The following WDPCP variants were observed in gnomAD, a reference collection of about 807,000 sequenced individuals.
WDPCP encodes WD repeat containing planar cell polarity effector.
Under a neutral mutation model 93.1 loss-of-function variants are expected in WDPCP, and 71 were observed. That is an observed-to-expected ratio of 0.76 (90% CI 0.63 to 0.93). The LOEUF (loss-of-function observed/expected upper bound fraction) is 0.93, where lower values mean the gene tolerates loss of function less well. WDPCP is among the 40% of genes least tolerant of loss of function. The pLI, the probability that WDPCP is intolerant of heterozygous loss-of-function variation, is 0.00. For synonymous variants in WDPCP, 315 were observed against 315.0 expected (o/e 1.00, Z 0.00); for missense variants, 844 against 887.4 (o/e 0.95, Z 0.62).
chr2:63,277,188 G>A (rs866530572), intron 13 of WDPCP, among the ~76,000 whole-genome samples: 1 of 150,742 alleles, frequency 6.6e-6, no homozygotes, highest in Non-Finnish European at 1.5e-5. Context: ...GAGAGAATTC[G>A]CCACTACCAT....
chr2:63,335,552 T>A (rs1232415973), intron 12 of WDPCP, among the ~76,000 whole-genome samples: 1 of 151,938 alleles, frequency 6.6e-6, no homozygotes, highest in Non-Finnish European at 1.5e-5. Flanking sequence ...GCCTCCCAAG[T>A]AGCTGTGATT....
intron 14 of WDPCP, among the ~76,000 whole-genome samples, chr2:63,256,693 C>T (rs771259311): frequency 1.3e-5 from 2 of 152,136 alleles, no homozygotes; most frequent in Non-Finnish European, 2.9e-5. Context: ...CCCAAATATC[C>T]ATCTAAAGTA....
intron 12 of WDPCP, among the ~76,000 whole-genome samples, chr2:63,323,653 A>G (rs1321150725): frequency 1.3e-5 from 2 of 152,162 alleles, no homozygotes; most frequent in Non-Finnish European, 2.9e-5. Flanking sequence ...CCCAATACTA[A>G]CAGGTGAATG....
chr2:63,614,137 CTCAT>C (rs762720937), intron 3 of WDPCP, among the ~76,000 whole-genome samples: 3 of 152,268 alleles, frequency 2.0e-5, no homozygotes, highest in Admixed American at 6.5e-5. Flanking sequence ...GTTCTTTGGG[CTCAT>C]TCAATTATCC....
intron 3 of WDPCP, among the ~76,000 whole-genome samples, chr2:63,630,196 A>G (rs1709851063): frequency 6.6e-6 from 1 of 152,198 alleles, no homozygotes; most frequent in Non-Finnish European, 1.5e-5. Context: ...CAAGTAACCC[A>G]CAAGAATTAA....
intron 13 of WDPCP, among the ~76,000 whole-genome samples, chr2:63,286,656 A>G (rs1405738802): frequency 6.6e-6 from 1 of 152,258 alleles, no homozygotes; most frequent in Admixed American, 6.5e-5. Flanking sequence ...CTTCACACAG[A>G]CACACGTGAC....
At chr2:63,691,440 G>A (rs1050135146) in intron 2 of WDPCP, among the ~76,000 whole-genome samples, 1 of 152,150 alleles carries the variant, frequency 6.6e-6, no homozygotes, top group African/African-American at 2.4e-5. Context: ...TTGGAGACCA[G>A]CCTGGCCAAC....
chr2:63,443,949 C>T (rs979915881), intron 6 of WDPCP, among the ~76,000 whole-genome samples: 1 of 151,960 alleles, frequency 6.6e-6, no homozygotes, highest in African/African-American at 2.4e-5. Flanking sequence ...GATTCTGACA[C>T]GTTAAGTTTA....
At chr2:63,692,443 C>T (rs1235963174) in intron 2 of WDPCP, among the ~76,000 whole-genome samples, 2 of 152,140 alleles carry the variant, frequency 1.3e-5, no homozygotes, top group Non-Finnish European at 2.9e-5. Context: ...GAAGTTATTA[C>T]TGTCAACTTC....
chr2:63,609,458 C>A (rs1709591841), intron 3 of WDPCP, among the ~76,000 whole-genome samples: 1 of 152,162 alleles, frequency 6.6e-6, no homozygotes, highest in Non-Finnish European at 1.5e-5. Context: ...CATGCTCTTA[C>A]TCCTTCCTGT....
chr2:63,739,485 C>T (rs1319222671), intron 2 of WDPCP, among the ~76,000 whole-genome samples: 1 of 152,098 alleles, frequency 6.6e-6, no homozygotes, highest in Non-Finnish European at 1.5e-5. Flanking sequence ...CTACAATGAA[C>T]ATTCGGATGC....
chr2:63,409,560 T>C (rs1163547364), intron 9 of WDPCP, among the ~76,000 whole-genome samples: 1 of 152,042 alleles, frequency 6.6e-6, no homozygotes. Flanking sequence ...ATCCCTGATT[T>C]ACCTGAAAAA....
intron 3 of WDPCP, chr2:63,594,285 C>T (rs970452916): frequency 1.5e-6 from 1 of 675,006 alleles, no homozygotes; most frequent in Middle Eastern, 2.5e-4. Context: ...CAGGATAACA[C>T]TTTTAGCTCC....
chr2:63,500,720 A>C (rs977380462), intron 1 of WDPCP, among the ~76,000 whole-genome samples: 2 of 152,174 alleles, frequency 1.3e-5, no homozygotes, highest in African/African-American at 4.8e-5. Flanking sequence ...ACCTGCAAAA[A>C]CAGGGATAAT....
intron 14 of WDPCP, among the ~76,000 whole-genome samples, chr2:63,218,552 C>T (rs530098858): frequency 4.3e-4 from 65 of 152,088 alleles, no homozygotes; most frequent in African/African-American, 1.1e-3. Flanking sequence ...TTATTTGAGA[C>T]GGAGCCTCGC....
At chr2:63,226,740 T>C (rs1241756486) in intron 14 of WDPCP, among the ~76,000 whole-genome samples, 1 of 151,962 alleles carries the variant, frequency 6.6e-6, no homozygotes, top group Non-Finnish European at 1.5e-5. Context: ...AGAGTTTTAC[T>C]AGAAATATTA....
chr2:63,601,032 G>A (rs1709407983), intron 3 of WDPCP, among the ~76,000 whole-genome samples: 1 of 152,180 alleles, frequency 6.6e-6, no homozygotes, highest in Non-Finnish European at 1.5e-5. Context: ...CCTGGTGCCT[G>A]AAACAGTTCT....
intron 14 of WDPCP, among the ~76,000 whole-genome samples, chr2:63,186,511 G>C (rs1674650499): frequency 6.6e-6 from 1 of 152,230 alleles, no homozygotes; most frequent in South Asian, 2.1e-4. Flanking sequence ...AAAAATACTG[G>C]AGCATTTCCC....
intron 14 of WDPCP, among the ~76,000 whole-genome samples, chr2:63,252,187 A>G (rs528376637): frequency 2.0e-5 from 3 of 152,298 alleles, no homozygotes; most frequent in African/African-American, 4.8e-5. Flanking sequence ...AACAAAAACC[A>G]TATGATTATC....
Sources: allele counts gnomAD v4.1 joint callset (sites outside exome capture counted in the v4.1 genomes callset), GRCh38; gene constraint gnomAD v4.1.1; transcripts MANE v1.5; gene names NCBI Gene and HGNC (gene_info 2026-07-23, HGNC 2026-07-21).